DPP6: variants seen among roughly 807,000 people sequenced by gnomAD.
DPP6 encodes the protein dipeptidyl peptidase like 6, also known as A-type potassium channel modulatory protein DPP6.
Under a neutral mutation model 122.6 loss-of-function variants are expected in DPP6, and 69 were observed. That is an observed-to-expected ratio of 0.56 (90% CI 0.46 to 0.69). The LOEUF is 0.69. DPP6 is among the 30% of genes least tolerant of loss of function. The pLI is 0.00. For synonymous variants in DPP6, 418 were observed against 433.1 expected (o/e 0.97, Z 0.43); for missense variants, 928 against 1,116.9 (o/e 0.83, Z 2.41).
At chr7:154,749,602 T>A (rs1843253923) in intron 8 of DPP6, among the ~76,000 whole-genome samples, 1 of 136,288 alleles carries the variant, frequency 7.3e-6, no homozygotes, top group Admixed American at 7.5e-5. Context: ...GAGAGAGGGA[T>A]GGAGGCTTTA....
chr7:153,885,104 C>G (rs1338474042), upstream of DPP6, among the ~76,000 whole-genome samples: 2 of 84,352 alleles, frequency 2.4e-5, no homozygotes, highest in East Asian at 5.3e-4. Flanking sequence ...GTTTGGAGGC[C>G]CATGCTTGGT....
intron 1 of DPP6, among the ~76,000 whole-genome samples, chr7:154,159,681 G>A (rs1796877577): frequency 6.6e-6 from 1 of 152,308 alleles, no homozygotes; most frequent in Admixed American, 6.5e-5. Context: ...ATCAGGCACG[G>A]CACTGCCTAA....
intron 1 of DPP6, among the ~76,000 whole-genome samples, chr7:154,390,793 C>T (rs1420776925): frequency 6.6e-6 from 1 of 152,140 alleles, no homozygotes; most frequent in Non-Finnish European, 1.5e-5. Flanking sequence ...GACCCCCATC[C>T]TGTATCATCC....
chr7:154,478,598 C>T (rs1269542171), intron 3 of DPP6, among the ~76,000 whole-genome samples: 2 of 152,028 alleles, frequency 1.3e-5, no homozygotes, highest in Admixed American at 1.3e-4. Context: ...TACAATGATT[C>T]CCATTTTACA....
chr7:154,163,671 T>G (rs1797091167), intron 1 of DPP6, among the ~76,000 whole-genome samples: 1 of 152,274 alleles, frequency 6.6e-6, no homozygotes, highest in South Asian at 2.1e-4. Context: ...CAGCAAATTA[T>G]TTTTCCTATG....
Position 154,759,469 on chromosome 7 carries a change from G to T in DPP6, c.884-9948G>T, listed in dbSNP as rs189477857. 3.8e-3 allele frequency among the ~76,000 whole-genome samples: 572 copies of T among 152,308 alleles called. 2 individuals carry two copies. Among genetic ancestry groups the T allele is most frequent in the Non-Finnish European group, 6.3e-3 (430 of 68,024 alleles). ...GGGCAGCGGCAATAGGACGGAAGGG[G>T]ACCACCCACGGGCTGGACTCTCGAG... On this transcript the variant is annotated intron_variant, in intron 8 of 25. Coordinates refer to ENST00000377770, the MANE Select transcript of DPP6 (RefSeq NM_130797.4).
chr7:154,705,353 C>T (rs556762552), intron 7 of DPP6, among the ~76,000 whole-genome samples: 2 of 152,330 alleles, frequency 1.3e-5, no homozygotes, highest in East Asian at 3.9e-4. Flanking sequence ...CTGCTATTTT[C>T]CTTTCCTGCT....
At chr7:154,435,435 C>A (rs1486460339) in intron 1 of DPP6, among the ~76,000 whole-genome samples, 2 of 152,174 alleles carry the variant, frequency 1.3e-5, no homozygotes, top group Non-Finnish European at 2.9e-5. Flanking sequence ...GAGGTTGGAA[C>A]CATGCAGAGT....
upstream of DPP6, among the ~76,000 whole-genome samples, chr7:154,051,174 C>T (rs1430573358): frequency 8.0e-6 from 1 of 124,260 alleles, no homozygotes; most frequent in East Asian, 2.1e-4. Flanking sequence ...GAGCAGGGAG[C>T]CTTAGGCAGT....
the DPP6 span, among the ~76,000 whole-genome samples, chr7:153,761,699 T>C: frequency 1.8e-3 from 275 of 152,340 alleles, 1 homozygote; most frequent in African/African-American, 5.4e-3. Flanking sequence ...TATTGAATAC[T>C]ATTCAATCTT....
intron 8 of DPP6, among the ~76,000 whole-genome samples, chr7:154,740,283 T>G (rs1441158244): frequency 6.6e-6 from 1 of 151,022 alleles, no homozygotes; most frequent in Non-Finnish European, 1.5e-5. Context: ...TTGACACCCT[T>G]GGGAACTCTA....
intron 7 of DPP6, among the ~76,000 whole-genome samples, chr7:154,722,062 G>T (rs1007216671): frequency 4.6e-5 from 7 of 152,224 alleles, no homozygotes; most frequent in Non-Finnish European, 1.0e-4. Flanking sequence ...GGCCGTGGTG[G>T]TGTGTGCCTG....
chr7:153,907,703 A>C (rs1231602144), intron 1 of DPP6, among the ~76,000 whole-genome samples: 1 of 152,232 alleles, frequency 6.6e-6, no homozygotes, highest in African/African-American at 2.4e-5. Context: ...GGAATTCTGC[A>C]GCAAATGGCC....
chr7:154,197,986 T>G (rs1798955934), intron 1 of DPP6, among the ~76,000 whole-genome samples: 1 of 152,170 alleles, frequency 6.6e-6, no homozygotes, highest in Admixed American at 6.5e-5. Flanking sequence ...CTCTCTTTGA[T>G]GACATCATTG....
Position 154,875,806 on chromosome 7 carries a change from C to G in DPP6, c.1884-100C>G. ...AGTTGAGCGTGTGGCAGCCGGGTCACGGGTAAAATCCCTTACGGGGGTCAT... is the reference window on the plus strand; with the variant it reads ...AGTTGAGCGTGTGGCAGCCGGGTCAGGGGTAAAATCCCTTACGGGGGTCAT... On this transcript the variant is annotated intron_variant, in intron 19 of 25. Coordinates refer to ENST00000377770, the MANE Select transcript of DPP6 (RefSeq NM_130797.4). The surrounding 1 kb of genome is among the most constrained non-coding windows in gnomAD (Gnocchi z 4.5). 6.8e-7 allele frequency: 1 copy of G among 1,475,292 alleles called. No homozygotes were observed. Among genetic ancestry groups the G allele is most frequent in the Non-Finnish European group, 9.0e-7 (1 of 1,105,990 alleles). The allele number at this position is 1,475,292 out of a possible 1,614,324, so 91.4% of individuals were successfully genotyped here.
chr7:154,376,808 C>G (rs1373003160), intron 1 of DPP6, among the ~76,000 whole-genome samples: 1 of 152,178 alleles, frequency 6.6e-6, no homozygotes, highest in Non-Finnish European at 1.5e-5. Context: ...CTGTAATCCT[C>G]TGTATTAGTA....
chr7:154,807,514 A>G (rs1456258156), intron 16 of DPP6, among the ~76,000 whole-genome samples: 3 of 152,222 alleles, frequency 2.0e-5, no homozygotes, highest in East Asian at 1.9e-4. Context: ...TAACTTTTCA[A>G]TCATATTTAA....
At chr7:154,587,211 C>T (rs75751576) in intron 5 of DPP6, 4 of 209,708 alleles carry the variant, frequency 1.9e-5, no homozygotes, top group African/African-American at 6.9e-5. Context: ...TGCTGCACTT[C>T]GGTGGACTCT....
At chr7:154,422,340 T>A (rs994204735) in intron 1 of DPP6, among the ~76,000 whole-genome samples, 3 of 152,188 alleles carry the variant, frequency 2.0e-5, no homozygotes, top group Non-Finnish European at 1.5e-5. Context: ...TACAGCACTC[T>A]AAAGAAGCTT....
Sources: allele counts gnomAD v4.1 joint callset (sites outside exome capture counted in the v4.1 genomes callset), GRCh38; gene constraint gnomAD v4.1.1; non-coding constraint Gnocchi (gnomAD v3.1); transcripts MANE v1.5; gene names NCBI Gene and HGNC (gene_info 2026-07-23, HGNC 2026-07-21).